MAML3: variants seen among roughly 807,000 people sequenced by gnomAD.
The protein encoded by MAML3 is mastermind-like protein 3.
A neutral mutation model predicts 101.9 loss-of-function variants in MAML3; 27 were observed. The ratio of observed to expected loss-of-function variants is 0.27; its 90% confidence interval spans 0.20 to 0.37. The LOEUF (loss-of-function observed/expected upper bound fraction) is 0.37, where lower values mean the gene tolerates loss of function less well. MAML3 is among the 10% of genes least tolerant of loss of function. The probability of loss-of-function intolerance (pLI) is 1.00; values close to 1 mark genes in which losing one functional copy is unlikely to be tolerated. For synonymous variants in MAML3, 501 were observed against 555.9 expected, an observed-to-expected ratio of 0.90 and a Z score of 1.39; for missense variants, 1,316 against 1,444.9, an observed-to-expected ratio of 0.91 and a Z score of 1.45.
chr4:140,147,131 CAAAAAAAAAAAAAAA>C (rs58459047), intron 1 of MAML3, among the ~76,000 whole-genome samples: 1 of 81,342 alleles, frequency 1.2e-5, no homozygotes, highest in African/African-American at 4.3e-5. Context: ...GACTCCATCT[CAAAAAAAAAAAAAAA>C]AAAAAAAAAA....
At chr4:140,041,890 T>A (rs1176780248) in intron 1 of MAML3, among the ~76,000 whole-genome samples, 3 of 152,166 alleles carry the variant, frequency 2.0e-5, no homozygotes, top group African/African-American at 7.2e-5. Context: ...AGAAACCTTT[T>A]AATAGAGAAG....
chr4:140,037,840 T>A (rs1327811283), intron 1 of MAML3, among the ~76,000 whole-genome samples: 3 of 152,214 alleles, frequency 2.0e-5, no homozygotes, highest in African/African-American at 4.8e-5. Context: ...TTAGACATAA[T>A]CTATAAGGGC....
intron 2 of MAML3, among the ~76,000 whole-genome samples, chr4:139,848,616 C>G (rs1418495751): frequency 6.6e-6 from 1 of 152,074 alleles, no homozygotes; most frequent in Non-Finnish European, 1.5e-5. Context: ...CATGAAAAAT[C>G]CCAAGCTAAG....
chr4:139,855,183 C>T (rs552904581), intron 2 of MAML3, among the ~76,000 whole-genome samples: 43 of 152,284 alleles, frequency 2.8e-4, no homozygotes, highest in African/African-American at 9.6e-4. Context: ...GCAGGTGTTA[C>T]ATGTTAAGCA....
chr4:139,856,569 C>G (rs1229144687), intron 2 of MAML3, among the ~76,000 whole-genome samples: 2 of 152,188 alleles, frequency 1.3e-5, no homozygotes, highest in Admixed American at 1.3e-4. Context: ...ATACGTTGTA[C>G]TCAGGTAGTT....
chr4:140,121,228 A>C (rs1728601943), intron 1 of MAML3, among the ~76,000 whole-genome samples: 1 of 152,238 alleles, frequency 6.6e-6, no homozygotes, highest in African/African-American at 2.4e-5. Flanking sequence ...AATTGTGCCA[A>C]ATAGATACAA....
intron 1 of MAML3, among the ~76,000 whole-genome samples, chr4:139,936,043 G>A (rs1001937624): frequency 2.6e-5 from 4 of 151,848 alleles, no homozygotes; most frequent in East Asian, 3.9e-4. Flanking sequence ...CATTTTCCCC[G>A]CCTCCCAGCC....
chr4:140,090,800 C>T (rs1728032321), intron 1 of MAML3, among the ~76,000 whole-genome samples: 1 of 152,190 alleles, frequency 6.6e-6, no homozygotes. Context: ...CCTATAATCC[C>T]AGCACTTTGG....
chr4:139,719,367 C>G lies in MAML3; in HGVS notation c.3373G>C (p.Asp1125His), dbSNP rs769878138. 2 of 1,610,170 alleles carry G rather than the reference C, an allele frequency of 1.2e-6. No individual in the cohort carries two copies. The highest frequency in any genetic ancestry group is 4.5e-5 in the East Asian group (2 of 44,816). The change falls in exon 5 of 5, where the codon GAC becomes CAC. Residue 1125 changes from aspartate (D) to histidine (H), a missense_variant. Physicochemically the swap from Asp to His is moderately conservative, Grantham distance 81. Transcript: ENST00000509479. ...VDSIIKGGPG[D>H]EWMQELDELF... ...TCATCAAGCTCCTGCATCCACTCGT[C>G]CCCTGGCCCGCCTTTGATGATGGAG...
At chr4:140,066,204 C>T (rs192352383) in intron 1 of MAML3, among the ~76,000 whole-genome samples, 1 of 152,302 alleles carries the variant, frequency 6.6e-6, no homozygotes, top group East Asian at 1.9e-4. Flanking sequence ...AGCAAACAGA[C>T]CTGAGTATGA....
intron 1 of MAML3, among the ~76,000 whole-genome samples, chr4:140,152,395 C>G (rs1461867855): frequency 6.6e-6 from 1 of 152,154 alleles, no homozygotes; most frequent in Non-Finnish European, 1.5e-5. Flanking sequence ...ATCAATATTT[C>G]CACGCACCCG....
rs559443838 is a variant in MAML3 at position 139,980,033 on chromosome 4, T to C, written c.469-89066A>G. 9.2e-5 allele frequency among the ~76,000 whole-genome samples: 14 copies of C among 152,234 alleles called. No individual in the cohort carries two copies. In the East Asian group the frequency reaches 2.5e-3, roughly 27 times the overall value. On this transcript the variant is annotated intron_variant, in intron 1 of 4. Transcript: ENST00000509479. ...ATTTTCTCTCTGGACTATCTTACTA[T>C]CTGTTTGGCTGGCCTGCTACAGAGC... is the stretch of plus-strand genomic sequence containing the variant.
intron 1 of MAML3, among the ~76,000 whole-genome samples, chr4:140,111,771 A>G (rs755540928): frequency 2.0e-5 from 3 of 152,196 alleles, no homozygotes; most frequent in Non-Finnish European, 2.9e-5. Context: ...TACCACCTCA[A>G]AGAGCAAACT....
chr4:139,862,982 T>C (rs1325051908), intron 2 of MAML3, among the ~76,000 whole-genome samples: 1 of 152,020 alleles, frequency 6.6e-6, no homozygotes, highest in Non-Finnish European at 1.5e-5. Context: ...AAACCCTGTC[T>C]CTACTAAAAA....
At chr4:139,925,090 G>C (rs1401965505) in intron 1 of MAML3, among the ~76,000 whole-genome samples, 1 of 152,024 alleles carries the variant, frequency 6.6e-6, no homozygotes, top group Non-Finnish European at 1.5e-5. Flanking sequence ...AAAGTGAGTT[G>C]AGCACAAACT....
chr4:140,141,866 T>C (rs1477686106), intron 1 of MAML3, among the ~76,000 whole-genome samples: 1 of 152,214 alleles, frequency 6.6e-6, no homozygotes, highest in Admixed American at 6.5e-5. Context: ...TATTAAACCA[T>C]ATTAGATTAA....
intron 2 of MAML3, among the ~76,000 whole-genome samples, chr4:139,810,495 T>G (rs551440844): frequency 5.9e-5 from 9 of 152,262 alleles, no homozygotes; most frequent in Non-Finnish European, 1.3e-4. Flanking sequence ...TGGCCTAAAA[T>G]TAATTTTTAT....
intron 1 of MAML3, among the ~76,000 whole-genome samples, chr4:139,944,209 A>G (rs901112376): frequency 6.6e-5 from 10 of 151,982 alleles, no homozygotes; most frequent in African/African-American, 2.4e-4. Context: ...TTTAAGTTTT[A>G]AGGTACATGT....
Position 139,719,361 on chromosome 4 carries a change from A to T in MAML3, c.3379T>A (p.Trp1127Arg). ...SIIKGGPGDE[W>R]MQELDELFGN... is the part of the protein sequence containing the mutation. ...AACAATTCATCAAGCTCCTGCATCC[A>T]CTCGTCCCCTGGCCCGCCTTTGATG... Residue 1127 changes from tryptophan to arginine, a missense_variant, in exon 5 of 5, where the codon TGG becomes AGG. Transcript: ENST00000509479. 6.2e-7 allele frequency: 1 copy of T among 1,607,280 alleles called. No homozygotes were observed. Among genetic ancestry groups the T allele is most frequent in the Non-Finnish European group, 8.5e-7 (1 of 1,175,744 alleles).
Sources: gnomAD v4.1 joint callset for allele counts (sites outside exome capture counted in the v4.1 genomes callset) on GRCh38, gnomAD v4.1.1 for gene constraint, MANE v1.5 for transcripts, NCBI Gene and HGNC (gene_info 2026-07-23, HGNC 2026-07-21) for gene names.